The following GPBP1L1 variants were observed in gnomAD, a reference collection of about 807,000 sequenced individuals.
GPBP1L1 encodes GC-rich promoter binding protein 1 like 1.
In GPBP1L1, 23 loss-of-function variants were observed where a neutral mutation model predicts 52.5. That is an observed-to-expected ratio of 0.44 (90% CI 0.32 to 0.62). GPBP1L1 has a LOEUF of 0.62. GPBP1L1 is among the 20% of genes least tolerant of loss of function. GPBP1L1 has a pLI of 0.06. For synonymous variants in GPBP1L1, 243 were observed against 203.1 expected (o/e 1.20, Z -1.67); for missense variants, 596 against 579.3 (o/e 1.03, Z -0.30).
At chr1:45,680,930 A>G (rs1358014565) in intron 2 of GPBP1L1, among the ~76,000 whole-genome samples, 1 of 152,222 alleles carries the variant, frequency 6.6e-6, no homozygotes, top group African/African-American at 2.4e-5. Flanking sequence ...GTTTTGAGAA[A>G]TTTTCAGATT....
intron 2 of GPBP1L1, among the ~76,000 whole-genome samples, chr1:45,666,133 C>CT (rs5773889): frequency 0.28 from 41,429 of 146,560 alleles, 5,877 homozygotes; most frequent in South Asian, 0.36. Flanking sequence ...TCTTCAAACA[C>CT]TTTTTTTTTT....
At chr1:45,675,110 A>G (rs1426081084) in intron 2 of GPBP1L1, among the ~76,000 whole-genome samples, 2 of 152,106 alleles carry the variant, frequency 1.3e-5, no homozygotes, top group African/African-American at 4.8e-5. Context: ...CATTCTGGCT[A>G]ACATGGTGAA....
intron 2 of GPBP1L1, among the ~76,000 whole-genome samples, chr1:45,671,831 TAATAAATAAATA>T (rs141577520): frequency 2.6e-5 from 4 of 151,094 alleles, no homozygotes; most frequent in African/African-American, 9.7e-5. Flanking sequence ...TCTCTAATAA[TAATAAATAAATA>T]AATAAATAAA....
rs1645083845 is a variant in GPBP1L1, at chr1:45,672,338, G to A, written c.-1097-11113C>T. On this transcript the variant is annotated intron_variant, in intron 2 of 12. Transcript: ENST00000355105. ...GATTGTGCCACTGCATTCCAGCCCA[G>A]GCGACAAAAAAAAAAAAAAAAGGAT... Among the ~76,000 whole-genome samples the A allele has an allele frequency of 5.8e-5, 8 of 137,616 alleles. No homozygotes were observed. In the South Asian group the frequency reaches 2.0e-3, roughly 34 times the overall value. 90.3% of individuals were successfully genotyped at this position (137,616 alleles called of 152,430 possible). A position where few individuals can be genotyped will look rare whatever the true frequency, so the allele number is the denominator to read the frequency against.
intron 2 of GPBP1L1, among the ~76,000 whole-genome samples, chr1:45,669,995 A>G (rs1004203698): frequency 7.2e-5 from 11 of 152,244 alleles, no homozygotes; most frequent in African/African-American, 2.7e-4. Context: ...TAGTAGATAA[A>G]TATTTCCTGA....
At chr1:45,631,504 C>T (rs1644530599) in intron 10 of GPBP1L1, among the ~76,000 whole-genome samples, 1 of 152,144 alleles carries the variant, frequency 6.6e-6, no homozygotes, top group Admixed American at 6.5e-5. Flanking sequence ...CTCAGGTGAT[C>T]CGCCCACCTC....
Position 45,629,689 on chromosome 1 carries a change from CAGA to C in GPBP1L1, c.1170-14_1170-12del. ...ATAGCTTTCAATAACCTGGTGGACG[CAGA>C]AGGACAGGTAAAGAGAATACAACAT... On this transcript the variant is annotated splice_polypyrimidine_tract_variant and intron_variant, in intron 11 of 12. Coordinates refer to ENST00000355105, the MANE Select transcript of GPBP1L1 (RefSeq NM_021639.5). 1.3e-6 allele frequency: 2 copies of C among 1,523,648 alleles called. No individual in the cohort carries two copies. The highest frequency in any genetic ancestry group is 1.1e-5 in the South Asian group (1 of 89,198). 94.4% of individuals were successfully genotyped at this position (1,523,648 alleles called of 1,614,324 possible). A position where few individuals can be genotyped will look rare whatever the true frequency, so the allele number is the denominator to read the frequency against.
chr1:45,628,002 G>T lies in GPBP1L1; in HGVS notation c.*254C>A. ...GTGCATCGCCCCATATATACTGGGTGTGTATGTGTGTGTGTGTGTGAGTGT... is the reference window on the plus strand; with the variant it reads ...GTGCATCGCCCCATATATACTGGGTTTGTATGTGTGTGTGTGTGTGAGTGT... On this transcript the variant is annotated 3_prime_UTR_variant, in exon 13 of 13. Transcript: ENST00000355105. 2.4e-6 allele frequency: 1 copy of T among 418,790 alleles called. No homozygotes were observed. The highest frequency in any genetic ancestry group is 2.7e-5 in the South Asian group (1 of 36,442). 25.9% of individuals were successfully genotyped at this position (418,790 alleles called of 1,614,324 possible).
chr1:45,658,093 C>T (rs1644905782), intron 4 of GPBP1L1, among the ~76,000 whole-genome samples: 1 of 152,182 alleles, frequency 6.6e-6, no homozygotes, highest in South Asian at 2.1e-4. Context: ...CTTTTGTGTA[C>T]TGTGACTAGG....
At chr1:45,665,640 C>T (rs1206078246) in intron 2 of GPBP1L1, among the ~76,000 whole-genome samples, 1 of 150,268 alleles carries the variant, frequency 6.7e-6, no homozygotes, top group East Asian at 2.0e-4. Context: ...ACTCAGAAGG[C>T]TGAGGCAGGA....
intron 6 of GPBP1L1, among the ~76,000 whole-genome samples, chr1:45,652,362 A>G (rs1164827833): frequency 6.6e-6 from 1 of 152,258 alleles, no homozygotes; most frequent in African/African-American, 2.4e-5. Context: ...GAATGTTTGT[A>G]TCATTCCCAC....
chr1:45,682,483 T>C (rs1456522677), intron 2 of GPBP1L1, among the ~76,000 whole-genome samples: 2 of 152,192 alleles, frequency 1.3e-5, no homozygotes, highest in African/African-American at 2.4e-5. Context: ...AAAAGGAAGG[T>C]GAACTTAATG....
At chr1:45,643,820 C>T (rs1048675497) in intron 6 of GPBP1L1, among the ~76,000 whole-genome samples, 8 of 151,830 alleles carry the variant, frequency 5.3e-5, no homozygotes, top group African/African-American at 1.7e-4. Flanking sequence ...CAGGTGCGCA[C>T]CACCACACCC....
At position 45,630,508 on chromosome 1, in the gene GPBP1L1, G is replaced by C. The variant is rs1644516460; in HGVS notation, c.1143C>G (p.Leu381=). The C allele has an allele frequency of 6.2e-7, 1 of 1,613,824 alleles. No individual in the cohort carries two copies. Among genetic ancestry groups the C allele is most frequent in the African/African-American group, 1.3e-5 (1 of 74,922 alleles). Residue 381 remains leucine, a synonymous_variant, in exon 11 of 13, where the codon CTC becomes CTG. Transcript: ENST00000355105. ...TGTGCTCTGCTTCTAGAGAGTGTGA[G>C]AGAACCTCCCCTTCTTCCACTACAG... ...ALPVVEEGEV[L]SHSLEAEHRL...
intron 6 of GPBP1L1, among the ~76,000 whole-genome samples, chr1:45,643,758 T>A (rs1211340115): frequency 1.4e-5 from 2 of 144,954 alleles, no homozygotes; most frequent in African/African-American, 2.6e-5. Flanking sequence ...CAACCTCCAC[T>A]TTCCAGGTTC....
In GPBP1L1 at chr1:45,650,411, A is replaced by G. The variant is rs1467239074; in HGVS notation, c.477+4132T>C. On this transcript the variant is annotated intron_variant, in intron 6 of 12. Coordinates refer to ENST00000355105, the MANE Select transcript of GPBP1L1 (RefSeq NM_021639.5). ...CATTTAAAAATCTGTGTTCCTGTCT[A>G]TATCATGTACTTCAAAAAAGCAAAA... Among the ~76,000 whole-genome samples the G allele has an allele frequency of 2.0e-5, 3 of 152,182 alleles. No individual in the cohort carries two copies. In the East Asian group the frequency reaches 5.8e-4, roughly 29 times the overall value.
chr1:45,664,871 G>C (rs1446856603), intron 2 of GPBP1L1, among the ~76,000 whole-genome samples: 1 of 152,078 alleles, frequency 6.6e-6, no homozygotes, highest in Non-Finnish European at 1.5e-5. Context: ...CAGAGATAGA[G>C]TTTCGCCATG....
At chr1:45,631,326 G>A (rs1208860541) in intron 10 of GPBP1L1, among the ~76,000 whole-genome samples, 4 of 152,010 alleles carry the variant, frequency 2.6e-5, no homozygotes, top group Non-Finnish European at 4.4e-5. Context: ...GCAGTGGCGC[G>A]ATCTCGGCTC....
Position 45,655,439 on chromosome 1 carries a change from T to C in GPBP1L1, c.61-120A>G, listed in dbSNP as rs1644873675. On this transcript the variant is annotated intron_variant, in intron 4 of 12. Transcript: ENST00000355105. ...GTAATAATGGTGATAGAAACTCATA[T>C]TGTAAGCATATGGACCCTAAGGGTA... The C allele has an allele frequency of 4.8e-5, 55 of 1,153,448 alleles. No individual in the cohort carries two copies. The South Asian group carries it at 7.2e-4, about 15-fold the overall frequency. The allele number at this position is 1,153,448 out of a possible 1,614,324, so 71.5% of individuals were successfully genotyped here. A position where few individuals can be genotyped will look rare whatever the true frequency, so the allele number is the denominator to read the frequency against.
Sources: allele counts gnomAD v4.1 joint callset (sites outside exome capture counted in the v4.1 genomes callset), GRCh38; gene constraint gnomAD v4.1.1; transcripts MANE v1.5; gene names NCBI Gene and HGNC (gene_info 2026-07-23, HGNC 2026-07-21).